NUP37: variants seen among roughly 807,000 people sequenced by gnomAD.
NUP37 encodes the protein nucleoporin 37, also known as nucleoporin Nup37.
NUP37 carries 33 observed loss-of-function variants against 45.4 expected under a neutral mutation model. The observed-to-expected ratio is 0.73, with a 90% CI of 0.55 to 0.97. The LOEUF is 0.97. Ranked by LOEUF, NUP37 falls within the 50% of genes least tolerant of loss-of-function variation. The pLI, the probability that NUP37 is intolerant of heterozygous loss-of-function variation, is 0.00. For missense variants in NUP37, 365 were observed against 389.7 expected (o/e 0.94, Z 0.53); for synonymous variants, 127 against 130.7 (o/e 0.97, Z 0.19).
At chr12:102,076,939 G>T in intron 7 of NUP37, 92 bp from the exon 8 acceptor site, 5 of 855,264 alleles carry the variant, frequency 5.8e-6, no homozygotes, top group Non-Finnish European at 5.7e-6. Flanking sequence ...TTATAGGACA[G>T]AATGTCCAAT....
chr12:102,089,666 T>C (rs1181373265), intron 5 of NUP37, among the ~76,000 whole-genome samples: 12 of 140,326 alleles, frequency 8.6e-5, no homozygotes, highest in Non-Finnish European at 9.1e-5. Context: ...GAGGCGCTCC[T>C]CACTTCCCAG....
At chr12:102,111,770 T>C (rs1880322346) in intron 3 of NUP37, among the ~76,000 whole-genome samples, 3 of 148,530 alleles carry the variant, frequency 2.0e-5, no homozygotes, top group African/African-American at 7.6e-5. Flanking sequence ...AGCTCATTAA[T>C]GTCTCAACCA....
In NUP37 at chr12:102,118,546, G is replaced by A. The variant is rs1672791357; in HGVS notation, c.-28C>T. The A allele has an allele frequency of 1.3e-6, 2 of 1,599,234 alleles. No homozygotes were observed. Among genetic ancestry groups the A allele is most frequent in the Non-Finnish European group, 1.7e-6 (2 of 1,173,900 alleles). ...TGTATGTCAAAATTCAAGCAGTTGTGAAAATTAAATAGCCTTCTACTGGAC... is the reference window on the plus strand; with the variant it reads ...TGTATGTCAAAATTCAAGCAGTTGTAAAAATTAAATAGCCTTCTACTGGAC... On this transcript the variant is annotated 5_prime_UTR_variant, in exon 2 of 10. Coordinates refer to ENST00000552283, the MANE Select transcript of NUP37 (RefSeq NM_024057.4).
intron 2 of NUP37, among the ~76,000 whole-genome samples, chr12:102,114,728 C>A: frequency 6.6e-6 from 1 of 152,102 alleles, no homozygotes; most frequent in East Asian, 1.9e-4. Flanking sequence ...TCTTTCCCCC[C>A]AATGCTTGAA....
At position 102,101,050 on chromosome 12, in the gene NUP37, C is replaced by A; in HGVS notation, c.336G>T (p.Gln112His). Residue 112 changes from glutamine (Q) to histidine (H), a missense_variant, in exon 4 of 10, where the codon CAG becomes CAT. Gln to His is a conservative substitution (Grantham distance 24, BLOSUM62 0). Transcript: ENST00000552283. ...MKIRLFTSDL[Q>H]DKNEYKVLEG... ...AACATACCTTATATTCATTTTTATC[C>A]TGAAGATCTGAAGTAAATAATCTAA... is the stretch of plus-strand genomic sequence containing the variant. 1 of 1,545,684 alleles carries A rather than the reference C, an allele frequency of 6.5e-7. No homozygotes were observed. Among genetic ancestry groups the A allele is most frequent in the Non-Finnish European group, 8.8e-7 (1 of 1,137,108 alleles).
intron 3 of NUP37, among the ~76,000 whole-genome samples, chr12:102,108,210 C>G (rs931669999): frequency 6.6e-6 from 1 of 152,070 alleles, no homozygotes; most frequent in Non-Finnish European, 1.5e-5. Context: ...TGGGTGGGCA[C>G]GATCCAACTG....
chr12:102,089,190 G>A (rs199936860), intron 5 of NUP37, among the ~76,000 whole-genome samples: 5,352 of 151,792 alleles, frequency 0.035, 380 homozygotes, highest in East Asian at 0.29. Flanking sequence ...AACCGCCATC[G>A]TCATCATGGC....
At chr12:102,080,256 A>T (rs1285653144) in intron 6 of NUP37, among the ~76,000 whole-genome samples, 1 of 152,226 alleles carries the variant, frequency 6.6e-6, no homozygotes, top group Admixed American at 6.5e-5. Flanking sequence ...AAGAAGTGGA[A>T]TTTGAAATTA....
At chr12:102,102,549 C>A (rs770916259) in intron 3 of NUP37, among the ~76,000 whole-genome samples, 31 of 152,188 alleles carry the variant, frequency 2.0e-4, no homozygotes, top group Non-Finnish European at 4.1e-4. Flanking sequence ...TTCTCACAAT[C>A]TGTAGGTTGC....
intron 8 of NUP37, among the ~76,000 whole-genome samples, chr12:102,075,558 C>T (rs188705513): frequency 9.2e-5 from 14 of 152,104 alleles, no homozygotes; most frequent in South Asian, 2.1e-4. Flanking sequence ...ACAATTAGAC[C>T]GGGAATTCCA....
At chr12:102,093,884 A>G (rs1169033813) in intron 5 of NUP37, among the ~76,000 whole-genome samples, 1 of 152,096 alleles carries the variant, frequency 6.6e-6, no homozygotes, top group Admixed American at 6.6e-5. Context: ...ATATTTTATT[A>G]AGCACTTGTT....
intron 2 of NUP37, among the ~76,000 whole-genome samples, chr12:102,117,399 G>C (rs994128114): frequency 6.6e-6 from 1 of 151,648 alleles, no homozygotes; most frequent in South Asian, 2.1e-4. Context: ...ATAGTGAGCC[G>C]AGGTTGACCT....
At chr12:102,105,088 T>C (rs1387621971) in intron 3 of NUP37, among the ~76,000 whole-genome samples, 2 of 152,260 alleles carry the variant, frequency 1.3e-5, no homozygotes, top group Admixed American at 6.5e-5. Context: ...TTTCTATTTA[T>C]TTGTGTCTTT....
At chr12:102,113,799 T>G (rs1342548729) in intron 2 of NUP37, among the ~76,000 whole-genome samples, 3 of 152,170 alleles carry the variant, frequency 2.0e-5, no homozygotes, top group African/African-American at 7.2e-5. Flanking sequence ...ATCTAAGCAT[T>G]CCATTCACCC....
chr12:102,088,356 G>T (rs1477410921), intron 5 of NUP37, among the ~76,000 whole-genome samples: 1 of 151,862 alleles, frequency 6.6e-6, no homozygotes, highest in African/African-American at 2.4e-5. Flanking sequence ...AATTTTTGAA[G>T]TATACCATAT....
At chr12:102,076,295 T>G (rs898952941) in intron 8 of NUP37, among the ~76,000 whole-genome samples, 1 of 152,202 alleles carries the variant, frequency 6.6e-6, no homozygotes, top group Admixed American at 6.5e-5. Flanking sequence ...GTCTCTTATT[T>G]GGTTTTGCTG....
At chr12:102,083,193 T>C (rs1190945270) in intron 6 of NUP37, among the ~76,000 whole-genome samples, 1 of 152,238 alleles carries the variant, frequency 6.6e-6, no homozygotes. Context: ...ATGCAGGTCA[T>C]AGTTTTTAAA....
At position 102,078,851 on chromosome 12, in the gene NUP37, C is replaced by T. The variant is rs771477404; in HGVS notation, c.541-1348G>A. Among the ~76,000 whole-genome samples, 13 of 152,102 alleles carry T rather than the reference C, an allele frequency of 8.5e-5. No homozygotes were observed. In the East Asian group the frequency reaches 2.3e-3, roughly 27 times the overall value. On this transcript the variant is annotated intron_variant, in intron 6 of 9. Transcript: ENST00000552283. ...AAGTTTTATGTGTGAAATACTTTATCAAACGCACAAATTAATTATAATATA... is the reference window on the plus strand; with the variant it reads ...AAGTTTTATGTGTGAAATACTTTATTAAACGCACAAATTAATTATAATATA...
intron 3 of NUP37, among the ~76,000 whole-genome samples, chr12:102,103,038 T>C (rs549052550): frequency 7.3e-6 from 1 of 137,744 alleles, no homozygotes; most frequent in East Asian, 2.4e-4. Context: ...GCCTCCGGGT[T>C]TGTTCTTTTT....
Sources: gnomAD v4.1 joint callset for allele counts (sites outside exome capture counted in the v4.1 genomes callset) on GRCh38, gnomAD v4.1.1 for gene constraint, MANE v1.5 for transcripts, NCBI Gene and HGNC (gene_info 2026-07-23, HGNC 2026-07-21) for gene names.